Variants in SYNE1 observed in about 807,000 individuals in gnomAD.
SYNE1 encodes the protein spectrin repeat containing nuclear envelope protein 1, also known as nesprin-1.
SYNE1 carries 616 observed loss-of-function variants against 1,111.0 expected under a neutral mutation model. The ratio of observed to expected loss-of-function variants is 0.55; its 90% CI spans 0.52 to 0.59. SYNE1 has a LOEUF of 0.59. Ranked by LOEUF, SYNE1 falls within the 20% of genes least tolerant of loss-of-function variation. SYNE1 has a pLI of 0.00. For synonymous variants in SYNE1, 3,855 were observed against 3,825.8 expected (o/e 1.01, Z -0.28); for missense variants, 10,006 against 10,417.0 (o/e 0.96, Z 1.72).
intron 64 of SYNE1, among the ~76,000 whole-genome samples, 171 bp from the exon 65 acceptor site, chr6:152,359,629 GGTGT>G (rs57095244): frequency 2.2e-4 from 33 of 148,478 alleles, no homozygotes; most frequent in African/African-American, 3.5e-4. Flanking sequence ...TGAATGCATG[GGTGT>G]GTGTGTGTGT....
chr6:152,584,026 A>T lies in SYNE1; in HGVS notation c.68-44005T>A, dbSNP rs1236512602. Among the ~76,000 whole-genome samples the T allele has an allele frequency of 2.6e-5, 4 of 152,336 alleles. No individual in the cohort carries two copies. In the East Asian group the frequency reaches 7.7e-4, roughly 29 times the overall value. ...AGGCATTATTGCCTGGGGGTTATGA[A>T]CAGAAGCTCTGGTACCAGACTGCCT... On this transcript the variant is annotated intron_variant, in intron 3 of 145. Coordinates refer to ENST00000367255, the MANE Select transcript of SYNE1 (RefSeq NM_182961.4).
intron 3 of SYNE1, among the ~76,000 whole-genome samples, chr6:152,624,031 T>C (rs2099681183): frequency 1.3e-5 from 2 of 152,244 alleles, no homozygotes; most frequent in South Asian, 4.1e-4. Flanking sequence ...CAAGAGGAGA[T>C]TGTGATTACT....
chr6:152,411,943 A>G (rs1459150164), intron 42 of SYNE1, among the ~76,000 whole-genome samples: 1 of 152,230 alleles, frequency 6.6e-6, no homozygotes, highest in Non-Finnish European at 1.5e-5. Context: ...TATACAATCC[A>G]GAGTCTCACT....
In SYNE1 at chr6:152,148,206, C is replaced by T. The variant is rs201029723; in HGVS notation, c.24815G>A (p.Arg8272Gln). 115 of 1,614,190 alleles carry T rather than the reference C, an allele frequency of 7.1e-5. No individual in the cohort carries two copies. The East Asian group carries it at 1.6e-3, about 22-fold the overall frequency. The part of the protein sequence containing the change: ...AQPLRSERSG[R>Q]DTPASVDSIP... The stretch of plus-strand genomic sequence containing the variant: ...GGAGTCCACACTAGCCGGGGTGTCT[C>T]GTCCTGACCGCTCGCTCCGGAGGGG... Residue 8272 changes from arginine to glutamine, a missense_variant, in exon 137 of 146, where the codon CGA becomes CAA. Arg to Gln is a conservative substitution (Grantham distance 43). Coordinates refer to ENST00000367255, the MANE Select transcript of SYNE1 (RefSeq NM_182961.4). This position sits in a 1 kb window ranked among gnomAD's most constrained non-coding sequence, Gnocchi z 4.1.
At chr6:152,369,706 G>C in intron 59 of SYNE1, 92 bp from the exon 60 acceptor site, 1 of 1,481,200 alleles carries the variant, frequency 6.8e-7, no homozygotes, top group Non-Finnish European at 9.3e-7. Context: ...ACCCAGGCTG[G>C]GCACAGTGGC....
chr6:152,307,886 G>A (rs576629574), intron 91 of SYNE1, among the ~76,000 whole-genome samples: 30 of 152,202 alleles, frequency 2.0e-4, no homozygotes, highest in Non-Finnish European at 3.4e-4. Context: ...AGGTTGGAGT[G>A]CAGTGGCGCG....
At chr6:152,466,731 T>G (rs1172787180) in intron 16 of SYNE1, among the ~76,000 whole-genome samples, 1 of 152,104 alleles carries the variant, frequency 6.6e-6, no homozygotes, top group Non-Finnish European at 1.5e-5. Flanking sequence ...AGTTCTTAGG[T>G]AAATGTTATT....
At chr6:152,145,758 C>G in intron 137 of SYNE1, 1 of 553,316 alleles carries the variant, frequency 1.8e-6, no homozygotes, top group Non-Finnish European at 3.3e-6. Flanking sequence ...GGCATGGTGG[C>G]TCACGCCTGT....
At chr6:152,342,339 A>C (rs1006007085) in intron 74 of SYNE1, among the ~76,000 whole-genome samples, 8 of 152,268 alleles carry the variant, frequency 5.3e-5, no homozygotes, top group Non-Finnish European at 1.0e-4. Context: ...CATTGGAAAC[A>C]AACAGCCACA....
At chr6:152,315,174 G>A (rs1589882572) in intron 87 of SYNE1, 1 of 148,910 alleles carries the variant, frequency 6.7e-6, no homozygotes, top group African/African-American at 2.5e-5. Flanking sequence ...AGTCCAAAAG[G>A]AGCCAACAGG....
At chr6:152,219,355 TA>T (rs955559872) in intron 119 of SYNE1, among the ~76,000 whole-genome samples, 170 bp from the exon 120 acceptor site, 1 of 152,204 alleles carries the variant, frequency 6.6e-6, no homozygotes, top group Admixed American at 6.5e-5. Context: ...CCCCATTTTT[TA>T]AAATGCTATG....
intron 3 of SYNE1, among the ~76,000 whole-genome samples, chr6:152,618,285 T>C (rs771524507): frequency 6.6e-6 from 1 of 152,204 alleles, no homozygotes; most frequent in African/African-American, 2.4e-5. Context: ...AAGCAGGCCA[T>C]GAATACGGAA....
intron 117 of SYNE1, 22 bp from the exon 118 acceptor site, chr6:152,221,581 T>A (rs760565748): frequency 6.2e-7 from 1 of 1,613,386 alleles, no homozygotes. Context: ...AAAAGACCCA[T>A]AGATGACATA....
intron 62 of SYNE1, among the ~76,000 whole-genome samples, chr6:152,365,291 T>C (rs1245437718): frequency 6.6e-6 from 1 of 152,190 alleles, no homozygotes; most frequent in African/African-American, 2.4e-5. Flanking sequence ...CTTTACTGGT[T>C]TTAACAAGGG....
intron 93 of SYNE1, among the ~76,000 whole-genome samples, chr6:152,295,126 C>A (rs972198842): frequency 9.9e-5 from 15 of 152,190 alleles, no homozygotes; most frequent in African/African-American, 3.6e-4. Context: ...TAGCGAAATT[C>A]TCCTCTTGTG....
chr6:152,467,439 A>G lies in SYNE1; in HGVS notation c.1633-1361T>C, dbSNP rs144645994. ...TACCTAATGTTCAAGATACTGCGTA[A>G]GAAATTGAAGAAATAATTATATTTG... On this transcript the variant is annotated intron_variant, in intron 16 of 145. Transcript: ENST00000367255. 4.6e-5 allele frequency among the ~76,000 whole-genome samples: 7 copies of G among 152,240 alleles called. No individual in the cohort carries two copies. In the East Asian group the frequency reaches 1.2e-3, roughly 25 times the overall value.
At position 152,136,709 on chromosome 6, in the gene SYNE1, C is replaced by T. The variant is rs759577495; in HGVS notation, c.25568G>A (p.Arg8523His). The change falls in exon 141 of 146, where the codon CGC becomes CAC. Residue 8523 changes from arginine (R) to histidine (H), a missense_variant. Arg to His is a conservative substitution (Grantham distance 29). This residue lies in a region of SYNE1 where 761 missense variants were observed against 795.5 expected (regional missense o/e 0.96). Transcript: ENST00000367255. ...CCAGCGCCCATTCATCTGCGACAAGCGATCCTGCAGGTCCCGGCTCTCCTT... is the reference window on the plus strand; with the variant it reads ...CCAGCGCCCATTCATCTGCGACAAGTGATCCTGCAGGTCCCGGCTCTCCTT... ...DSKESRDLQD[R>H]LSQMNGRWDR... 13 of 1,614,212 alleles carry T rather than the reference C, an allele frequency of 8.1e-6. No individual in the cohort carries two copies. Among genetic ancestry groups the T allele is most frequent in the South Asian group, 2.2e-5 (2 of 91,074 alleles).
chr6:152,122,767 G>A (rs2051745382), intron 145 of SYNE1, 91 bp from the exon 146 acceptor site: 1 of 1,589,626 alleles, frequency 6.3e-7, no homozygotes, highest in Admixed American at 1.7e-5. Context: ...AAGCTAAAGG[G>A]CCATGCCAAG....
At chr6:152,203,560 A>G (rs184198282) in intron 126 of SYNE1, among the ~76,000 whole-genome samples, 52 of 152,246 alleles carry the variant, frequency 3.4e-4, no homozygotes, top group African/African-American at 1.3e-3. Context: ...ATCATGTTCC[A>G]TCTTCCTTCA....
Sources: gnomAD v4.1 joint callset for allele counts (sites outside exome capture counted in the v4.1 genomes callset) on GRCh38, gnomAD v4.1.1 for gene constraint, gnomAD v4.1.1 regional missense constraint, Gnocchi (gnomAD v3.1) non-coding constraint, MANE v1.5 for transcripts, NCBI Gene and HGNC (gene_info 2026-07-23, HGNC 2026-07-21) for gene names.